Variants in RPAP3 observed in about 807,000 individuals in gnomAD.
RPAP3 encodes RNA polymerase II-associated protein 3.
Under a neutral mutation model 88.8 loss-of-function variants are expected in RPAP3, and 58 were observed. The ratio of observed to expected loss-of-function variants is 0.65; its 90% confidence interval spans 0.53 to 0.81. The LOEUF is 0.81. RPAP3 is among the 40% of genes least tolerant of loss of function. The pLI, the probability that RPAP3 is intolerant of heterozygous loss-of-function variation, is 0.00. For synonymous variants in RPAP3, 255 were observed against 259.9 expected, an observed-to-expected ratio of 0.98 and a Z score of 0.18; for missense variants, 751 against 764.3, an observed-to-expected ratio of 0.98 and a Z score of 0.20.
At chr12:47,677,506 C>T (rs1043923462) in intron 12 of RPAP3, among the ~76,000 whole-genome samples, 2 of 151,896 alleles carry the variant, frequency 1.3e-5, no homozygotes, top group African/African-American at 2.4e-5. Flanking sequence ...TCGTCTCAGC[C>T]CAAAATCTCC....
chr12:47,702,267 C>T (rs759187706), intron 2 of RPAP3, among the ~76,000 whole-genome samples: 11 of 152,044 alleles, frequency 7.2e-5, no homozygotes, highest in Non-Finnish European at 4.4e-5. Context: ...GACAGTGGGC[C>T]GGGCACGGTG....
At chr12:47,667,106 A>G (rs766116127) in intron 15 of RPAP3, 26 bp from the exon 16 acceptor site, 1 of 1,102,732 alleles carries the variant, frequency 9.1e-7, no homozygotes, top group South Asian at 1.9e-5. Flanking sequence ...TATAGAAACA[A>G]ATGATCAGTT....
chr12:47,675,082 G>A (rs1166716489), intron 12 of RPAP3, among the ~76,000 whole-genome samples: 1 of 152,110 alleles, frequency 6.6e-6, no homozygotes, highest in Non-Finnish European at 1.5e-5. Context: ...AAGACAGTAG[G>A]GGCCAATGTT....
chr12:47,686,632 A>C (rs2136629786), intron 9 of RPAP3, 148 bp downstream of exon 9: 1 of 572,276 alleles, frequency 1.7e-6, no homozygotes. Flanking sequence ...ACATAAATTA[A>C]ATTTTAACTT....
chr12:47,684,705 C>T (rs1308851021), intron 9 of RPAP3, among the ~76,000 whole-genome samples: 4 of 152,148 alleles, frequency 2.6e-5, no homozygotes, highest in Non-Finnish European at 5.9e-5. Context: ...CATATATAAT[C>T]TCTCACCTGT....
intron 9 of RPAP3, among the ~76,000 whole-genome samples, chr12:47,686,577 C>CACACACA (rs1555182568): frequency 6.7e-6 from 1 of 150,162 alleles, no homozygotes; most frequent in Non-Finnish European, 1.5e-5. Flanking sequence ...CACACACACA[C>CACACACA]TACTTTTCCC....
Position 47,697,689 on chromosome 12 carries a change from C to T in RPAP3, c.325G>A (p.Asp109Asn), listed in dbSNP as rs1391274800. Residue 109 changes from aspartate to asparagine, a missense_variant, in exon 4 of 17, where the codon GAT becomes AAT. Asp to Asn is a conservative substitution (Grantham distance 23). Coordinates refer to ENST00000005386, the MANE Select transcript of RPAP3 (RefSeq NM_024604.3). ...DRILDELDKD[D>N]STHESLSQES... ...TGAGACAGAGACTCATGGGTACTAT[C>T]GTCTTTGTCAAGCTCATCAAGGATA... 1.2e-6 allele frequency: 2 copies of T among 1,607,058 alleles called. No individual in the cohort carries two copies. The highest frequency in any genetic ancestry group is 3.4e-5 in the Admixed American group (2 of 58,896).
chr12:47,682,256 C>T (rs992447478), intron 9 of RPAP3, among the ~76,000 whole-genome samples: 13 of 152,194 alleles, frequency 8.5e-5, no homozygotes, highest in South Asian at 2.1e-4. Flanking sequence ...GAACTTGGTA[C>T]GAATGTGATA....
chr12:47,664,598 A>G lies in RPAP3; in HGVS notation c.1913-1008T>C, dbSNP rs574906532. ...AAGTATTTACTGAATACCTGGTTGC[A>G]TGCCAGAACCATTCTAAGCGCTTTC... On this transcript the variant is annotated intron_variant, in intron 16 of 16. Transcript: ENST00000005386. 3.3e-5 allele frequency: 5 copies of G among 152,352 alleles called. No individual in the cohort carries two copies. In the East Asian group the frequency reaches 9.6e-4, roughly 29 times the overall value. 9.4% of individuals were successfully genotyped at this position (152,352 alleles called of 1,614,324 possible). A position where few individuals can be genotyped will look rare whatever the true frequency, so the allele number is the denominator to read the frequency against.
rs1473690661 is a variant in RPAP3 at position 47,670,147 on chromosome 12, C to G, written c.1486G>C (p.Val496Leu). The G allele has an allele frequency of 6.2e-7, 1 of 1,612,926 alleles. No homozygotes were observed. Among genetic ancestry groups the G allele is most frequent in the African/African-American group, 1.3e-5 (1 of 74,896 alleles). The change falls in exon 13 of 17, where the codon GTA becomes CTA. Residue 496 changes from valine (V) to leucine (L), a missense_variant. By Grantham distance (32) the Val-to-Leu change is conservative (BLOSUM62 1). Transcript: ENST00000005386. ...TCACTGACTTCTTCTATTTTCAATA[C>G]TTTTGCTCTTGGAGTATCACTTGTG... The part of the protein sequence containing the change: ...FPTSDTPRAK[V>L]LKIEEVSDTS...
chr12:47,698,063 G>A (rs911956544), intron 3 of RPAP3, among the ~76,000 whole-genome samples: 4 of 151,986 alleles, frequency 2.6e-5, no homozygotes, highest in African/African-American at 9.7e-5. Context: ...TTAGCACCCA[G>A]TAGCAGAAAA....
At chr12:47,698,635 T>A (rs1399739554) in intron 3 of RPAP3, among the ~76,000 whole-genome samples, 1 of 152,186 alleles carries the variant, frequency 6.6e-6, no homozygotes, top group Non-Finnish European at 1.5e-5. Flanking sequence ...CACCTCGCTC[T>A]CCCAAGTAAC....
chr12:47,664,725 C>T (rs553520617), intron 16 of RPAP3: 6 of 152,228 alleles, frequency 3.9e-5, no homozygotes, highest in African/African-American at 1.4e-4. Context: ...GAACTTATCA[C>T]ATTAGAGTAA....
rs768580885 is a variant in RPAP3 at position 47,667,045 on chromosome 12, T to C, written c.1847A>G (p.Gln616Arg). The change falls in exon 16 of 17, where the codon CAA (glutamine) becomes CGA (arginine). Residue 616 changes from glutamine to arginine, a missense_variant. Physicochemically the swap from Gln to Arg is conservative, Grantham distance 43. Coordinates refer to ENST00000005386, the MANE Select transcript of RPAP3 (RefSeq NM_024604.3). The stretch of plus-strand genomic sequence containing the variant: ...AAACCTTTTTAGTTCAGAAAGTCTT[T>C]GTAAGATTTCAAAGATGAGTAATGG... ...EKPLLIFEIL[Q>R]RLSELKRFDM... The C allele has an allele frequency of 1.3e-6, 2 of 1,515,614 alleles. No individual in the cohort carries two copies. The highest frequency in any genetic ancestry group is 8.8e-7 in the Non-Finnish European group (1 of 1,137,708). 93.9% of individuals were successfully genotyped at this position (1,515,614 alleles called of 1,614,324 possible). A position where few individuals can be genotyped will look rare whatever the true frequency, so the allele number is the denominator to read the frequency against.
intron 12 of RPAP3, among the ~76,000 whole-genome samples, chr12:47,675,923 C>G (rs537579417): frequency 6.6e-6 from 1 of 152,328 alleles, no homozygotes; most frequent in Admixed American, 6.5e-5. Context: ...ACTCTCCACC[C>G]TAAATCAACA....
intron 16 of RPAP3, among the ~76,000 whole-genome samples, chr12:47,665,189 T>G (rs762762856): frequency 4.0e-5 from 6 of 151,792 alleles, no homozygotes; most frequent in Non-Finnish European, 8.8e-5. Context: ...GCCTCCTGGA[T>G]TCAAGCGATT....
At chr12:47,679,824 T>C in intron 10 of RPAP3, 50 bp from the exon 11 acceptor site, 2 of 1,293,586 alleles carry the variant, frequency 1.5e-6, no homozygotes, top group South Asian at 2.6e-5. Flanking sequence ...ATGTGGAGTT[T>C]TCATATTCGC....
At position 47,663,538 on chromosome 12, in the gene RPAP3, A is replaced by G; in HGVS notation, c.1965T>C (p.Ser655=). The change falls in exon 17 of 17, where the codon TCT becomes TCC. Residue 655 remains serine, a synonymous_variant. Transcript: ENST00000005386. ...HIDKSGLKDS[S]VEELKKRYGG ...CGTATCTTTTCTTGAGTTCTTCGAC[A>G]GAACTATCCTTCAATCCTGACTTGT... The G allele has an allele frequency of 1.3e-6, 2 of 1,593,588 alleles. No homozygotes were observed. The highest frequency in any genetic ancestry group is 1.2e-5 in the South Asian group (1 of 86,940).
At chr12:47,699,748 G>A (rs1241839610) in intron 3 of RPAP3, 2 of 152,224 alleles carry the variant, frequency 1.3e-5, no homozygotes, top group Non-Finnish European at 1.5e-5. Context: ...ATCAATAAGA[G>A]AATGGACACA....
Sources: allele counts gnomAD v4.1 joint callset (sites outside exome capture counted in the v4.1 genomes callset), GRCh38; gene constraint gnomAD v4.1.1; transcripts MANE v1.5; gene names NCBI Gene and HGNC (gene_info 2026-07-23, HGNC 2026-07-21).